TFDP2: variants seen among roughly 807,000 people sequenced by gnomAD.
TFDP2 encodes transcription factor Dp-2.
A neutral mutation model predicts 59.3 loss-of-function variants in TFDP2; 17 were observed. The ratio of observed to expected loss-of-function variants is 0.29; its 90% CI spans 0.20 to 0.43. The LOEUF (loss-of-function observed/expected upper bound fraction) is 0.43, where lower values mean the gene tolerates loss of function less well. Ranked by LOEUF, TFDP2 falls within the 20% of genes least tolerant of loss-of-function variation. The pLI is 1.00. For synonymous variants in TFDP2, 180 were observed against 194.7 expected (o/e 0.92, Z 0.63); for missense variants, 391 against 528.8 (o/e 0.74, Z 2.56).
chr3:142,042,204 T>C (rs1947010539), intron 3 of TFDP2, among the ~76,000 whole-genome samples: 1 of 152,220 alleles, frequency 6.6e-6, no homozygotes, highest in African/African-American at 2.4e-5. Context: ...TGTCACTCTA[T>C]TATGTTCACT....
chr3:142,024,476 G>C (rs916199118), intron 3 of TFDP2, among the ~76,000 whole-genome samples: 1 of 152,094 alleles, frequency 6.6e-6, no homozygotes, highest in Non-Finnish European at 1.5e-5. Context: ...ATAGGCATCA[G>C]GCACATCTCC....
chr3:141,951,743 ATGCTGGCAAAGGCAG>A lies in TFDP2; in HGVS notation c.*755_*769del, dbSNP rs1328859730. 1 of 152,752 alleles carries A rather than the reference ATGCTGGCAAAGGCAG, an allele frequency of 6.5e-6. No individual in the cohort carries two copies. Among genetic ancestry groups the A allele is most frequent in the Admixed American group, 6.5e-5 (1 of 15,296 alleles). 9.5% of individuals were successfully genotyped at this position (152,752 alleles called of 1,614,324 possible). On this transcript the variant is annotated 3_prime_UTR_variant, in exon 13 of 13. Coordinates refer to ENST00000489671, the MANE Select transcript of TFDP2 (RefSeq NM_001178139.2). ...TTCTTTGTAAAACTCCAGATTTAGG[ATGCTGGCAAAGGCAG>A]TGCTGGCAAAGTATTTAATGCACAT...
chr3:142,127,303 CTTTTTTTTTTTT>C (rs769181436), intron 1 of TFDP2, among the ~76,000 whole-genome samples: 3 of 108,324 alleles, frequency 2.8e-5, no homozygotes, highest in Non-Finnish European at 5.8e-5. Context: ...CTACACTCCG[CTTTTTTTTTTTT>C]TTTTTTTTTT....
chr3:142,037,075 C>T (rs1280482313), intron 3 of TFDP2, among the ~76,000 whole-genome samples: 1 of 152,134 alleles, frequency 6.6e-6, no homozygotes, highest in African/African-American at 2.4e-5. Flanking sequence ...ACCAATATAG[C>T]TAAAATAAAT....
At chr3:142,035,047 C>T (rs975370921) in intron 3 of TFDP2, among the ~76,000 whole-genome samples, 15 of 152,292 alleles carry the variant, frequency 9.8e-5, no homozygotes, top group Admixed American at 9.8e-4. Flanking sequence ...TCTGTTTCCA[C>T]CCCAAAACTT....
chr3:141,956,358 C>T (rs1229799545), intron 11 of TFDP2, among the ~76,000 whole-genome samples: 2 of 152,086 alleles, frequency 1.3e-5, no homozygotes, highest in Non-Finnish European at 2.9e-5. Context: ...TCGAGACCAG[C>T]CTGGCCAACG....
chr3:142,101,702 A>C lies in TFDP2; in HGVS notation c.15+33T>G, dbSNP rs919831039. On this transcript the variant is annotated intron_variant, in intron 2 of 12. Transcript: ENST00000489671. ...GGAAAAAGCACAGCTCACTTTAAAC[A>C]ATACTTACATTAAAAAATTTACAAA... 2.1e-5 allele frequency: 28 copies of C among 1,331,324 alleles called. No individual in the cohort carries two copies. In the African/African-American group the frequency reaches 3.7e-4, roughly 17 times the overall value. The allele number at this position is 1,331,324 out of a possible 1,614,324, so 82.5% of individuals were successfully genotyped here.
intron 1 of TFDP2, among the ~76,000 whole-genome samples, chr3:142,107,235 CTTT>C (rs759364886): frequency 1.4e-5 from 2 of 142,030 alleles, no homozygotes. Flanking sequence ...TTTTTCTTTT[CTTT>C]TTTTTTTTTT....
intron 1 of TFDP2, among the ~76,000 whole-genome samples, chr3:142,128,793 T>A (rs1361103359): frequency 6.6e-6 from 1 of 151,654 alleles, no homozygotes; most frequent in African/African-American, 2.4e-5. Context: ...ACAAAGAAAT[T>A]TTTTTTTAAA....
At chr3:142,018,598 C>A (rs1402193016) in intron 3 of TFDP2, among the ~76,000 whole-genome samples, 1 of 151,924 alleles carries the variant, frequency 6.6e-6, no homozygotes, top group Non-Finnish European at 1.5e-5. Flanking sequence ...CAGTACGCCA[C>A]CACATCCAGC....
chr3:141,962,180 G>A (rs1937446871), intron 10 of TFDP2, among the ~76,000 whole-genome samples: 1 of 151,732 alleles, frequency 6.6e-6, no homozygotes, highest in Admixed American at 6.6e-5. Context: ...TTGACCACAG[G>A]TGATCTGCCT....
chr3:142,056,187 C>T (rs762117955), intron 3 of TFDP2, among the ~76,000 whole-genome samples: 5 of 151,488 alleles, frequency 3.3e-5, no homozygotes, highest in Non-Finnish European at 7.4e-5. Context: ...CTCCTAACCT[C>T]ATGATCTGCC....
chr3:141,999,641 A>G (rs1943585379), intron 4 of TFDP2, among the ~76,000 whole-genome samples: 2 of 152,208 alleles, frequency 1.3e-5, no homozygotes, highest in Admixed American at 1.3e-4. Context: ...TCTATCTACC[A>G]TTAAGATTTG....
intron 10 of TFDP2, among the ~76,000 whole-genome samples, chr3:141,960,630 C>G (rs535561517): frequency 2.0e-5 from 3 of 151,984 alleles, no homozygotes; most frequent in Non-Finnish European, 4.4e-5. Flanking sequence ...AAACTTTATA[C>G]CCTATCTAAG....
chr3:142,067,068 C>T (rs1293316924), intron 3 of TFDP2, among the ~76,000 whole-genome samples: 1 of 152,116 alleles, frequency 6.6e-6, no homozygotes, highest in African/African-American at 2.4e-5. Context: ...AAATAAAAGA[C>T]TTAACACTTT....
chr3:141,974,333 C>A, intron 7 of TFDP2, 142 bp from the exon 8 acceptor site: 2 of 594,224 alleles, frequency 3.4e-6, no homozygotes, highest in South Asian at 5.6e-5. Context: ...CAAAAACATC[C>A]AAAAGAATTC....
chr3:142,049,928 G>A (rs945197916), intron 3 of TFDP2, among the ~76,000 whole-genome samples: 3 of 152,126 alleles, frequency 2.0e-5, no homozygotes, highest in Non-Finnish European at 4.4e-5. Flanking sequence ...ATAGATTGCT[G>A]AAACTATAGA....
At chr3:142,109,650 C>T (rs1437813597) in intron 1 of TFDP2, among the ~76,000 whole-genome samples, 2 of 151,942 alleles carry the variant, frequency 1.3e-5, no homozygotes, top group Non-Finnish European at 2.9e-5. Flanking sequence ...TTTTGAATGT[C>T]ATTTTTCTTT....
At chr3:142,085,927 T>C (rs1290591459) in intron 3 of TFDP2, among the ~76,000 whole-genome samples, 1 of 152,230 alleles carries the variant, frequency 6.6e-6, no homozygotes, top group Non-Finnish European at 1.5e-5. Flanking sequence ...CAATCTACCT[T>C]GATTAGTACC....
Sources: gnomAD v4.1 joint callset for allele counts (sites outside exome capture counted in the v4.1 genomes callset) on GRCh38, gnomAD v4.1.1 for gene constraint, MANE v1.5 for transcripts, NCBI Gene and HGNC (gene_info 2026-07-23, HGNC 2026-07-21) for gene names.